The following EPHA7 variants were observed in gnomAD, a reference collection of about 807,000 sequenced individuals.
The protein encoded by EPHA7 is EPH receptor A7.
EPHA7 carries 25 observed loss-of-function variants against 112.6 expected under a neutral mutation model. That is an observed-to-expected ratio of 0.22 (90% CI 0.16 to 0.31). EPHA7 has a LOEUF of 0.31. Ranked by LOEUF, EPHA7 falls within the 10% of genes least tolerant of loss-of-function variation. The pLI is 1.00. For synonymous variants in EPHA7, 437 were observed against 406.5 expected, an observed-to-expected ratio of 1.07 and a Z score of -0.90; for missense variants, 962 against 1,212.6, an observed-to-expected ratio of 0.79 and a Z score of 3.07.
chr6:93,332,304 T>G, intron 5 of EPHA7, among the ~76,000 whole-genome samples: 1 of 151,686 alleles, frequency 6.6e-6, no homozygotes, highest in African/African-American at 2.4e-5. Flanking sequence ...ATAAAAATGT[T>G]AATAAAATAA....
intron 5 of EPHA7, among the ~76,000 whole-genome samples, chr6:93,336,807 C>T (rs1381855399): frequency 6.6e-6 from 1 of 151,816 alleles, no homozygotes; most frequent in Non-Finnish European, 1.5e-5. Flanking sequence ...TGAATGGCAT[C>T]CTTCTTCCAA....
At chr6:93,371,169 G>GA (rs1443036182) in intron 3 of EPHA7, among the ~76,000 whole-genome samples, 112 of 124,996 alleles carry the variant, frequency 9.0e-4, no homozygotes, top group African/African-American at 1.5e-3. Context: ...GTCTCAAAAA[G>GA]AAAAAAAAAA....
Position 93,257,515 on chromosome 6 carries a change from C to G in EPHA7, c.2119G>C (p.Val707Leu). The G allele has an allele frequency of 1.2e-6, 2 of 1,608,776 alleles. No individual in the cohort carries two copies. Among genetic ancestry groups the G allele is most frequent in the Non-Finnish European group, 1.7e-6 (2 of 1,177,674 alleles). The change falls in exon 12 of 17, where the codon GTC becomes CTC. Residue 707 changes from valine (V) to leucine (L), a missense_variant. Transcript: ENST00000369303. The part of the protein sequence containing the change: ...LEGVVTRGKP[V>L]MIVIEFMENG... ...TCCATGAACTCTATTACTATCATGA[C>G]TGGTTTCCCTAAAATTAAAAAAAAA...
chr6:93,419,271 G>T lies in EPHA7; in HGVS notation c.71C>A (p.Thr24Lys), dbSNP rs200143358. 62 of 1,613,840 alleles carry T rather than the reference G, an allele frequency of 3.8e-5. No homozygotes were observed. In the Middle Eastern group the frequency reaches 4.9e-4, roughly 13 times the overall value. The change falls in exon 1 of 17, where the codon ACA (threonine) becomes AAA (lysine). Residue 24 changes from threonine to lysine, a missense_variant. By Grantham distance (78) the Thr-to-Lys change is moderately conservative. Coordinates refer to ENST00000369303, the MANE Select transcript of EPHA7 (RefSeq NM_004440.4). ...TTCCTTCGCAGCCTGCGCCTCCCCT[G>T]TGTGTGCAAAGCGGAGCAGCCAGAT... ...CYIWLLRFAHTGEAQAAKEVL... is the reference protein window; with the variant it reads ...CYIWLLRFAHKGEAQAAKEVL...
At chr6:93,292,596 C>T (rs1261424430) in intron 5 of EPHA7, among the ~76,000 whole-genome samples, 1 of 152,036 alleles carries the variant, frequency 6.6e-6, no homozygotes, top group African/African-American at 2.4e-5. Flanking sequence ...CTATTAATAT[C>T]TATTGCTTTA....
At chr6:93,327,582 G>A (rs1472651866) in intron 5 of EPHA7, among the ~76,000 whole-genome samples, 1 of 151,404 alleles carries the variant, frequency 6.6e-6, no homozygotes, top group African/African-American at 2.4e-5. Flanking sequence ...TCTGTCTAGA[G>A]TTACTAGTTA....
rs553627016 is a variant in EPHA7, at chr6:93,355,470, C to T, written c.1324+1247G>A. ...CAGGAATTTGGGATAACACTGGTTG[C>T]TTTTAGACAGCCAGCCAAAGACCAA... On this transcript the variant is annotated intron_variant, in intron 5 of 16. Transcript: ENST00000369303. 2.6e-5 allele frequency among the ~76,000 whole-genome samples: 4 copies of T among 152,262 alleles called. 1 individual carries two copies. Among genetic ancestry groups the T allele is most frequent in the African/African-American group, 9.6e-5 (4 of 41,556 alleles).
chr6:93,282,564 C>T (rs1254060258), intron 5 of EPHA7, among the ~76,000 whole-genome samples: 2 of 152,360 alleles, frequency 1.3e-5, no homozygotes, highest in Admixed American at 1.3e-4. Context: ...AGGAGCCCTT[C>T]GACCTGCGGC....
chr6:93,349,403 T>C (rs908020715), intron 5 of EPHA7, among the ~76,000 whole-genome samples: 1 of 151,874 alleles, frequency 6.6e-6, no homozygotes, highest in African/African-American at 2.4e-5. Context: ...TTCGGATACC[T>C]CAGGTTTATA....
intron 3 of EPHA7, among the ~76,000 whole-genome samples, chr6:93,379,419 ATAACT>A (rs1352883871): frequency 1.3e-5 from 2 of 152,082 alleles, no homozygotes; most frequent in African/African-American, 2.4e-5. Context: ...TCACAGTTTA[ATAACT>A]TAACTTTAGA....
intron 5 of EPHA7, among the ~76,000 whole-genome samples, chr6:93,322,650 G>A (rs942558184): frequency 1.3e-5 from 2 of 151,630 alleles, no homozygotes; most frequent in Non-Finnish European, 3.0e-5. Context: ...GACTGAATTA[G>A]AGAGGCATAC....
intron 7 of EPHA7, among the ~76,000 whole-genome samples, chr6:93,266,083 T>TA (rs998552971): frequency 2.0e-5 from 3 of 151,614 alleles, no homozygotes; most frequent in African/African-American, 7.3e-5. Context: ...TTAAAAAGGT[T>TA]AAAAAAACAG....
At chr6:93,290,730 A>G (rs538784760) in intron 5 of EPHA7, among the ~76,000 whole-genome samples, 2 of 152,336 alleles carry the variant, frequency 1.3e-5, no homozygotes, top group Non-Finnish European at 2.9e-5. Context: ...TGAGATGTGA[A>G]GCAACACAGG....
chr6:93,302,847 A>G (rs1773059061), intron 5 of EPHA7, among the ~76,000 whole-genome samples: 1 of 152,040 alleles, frequency 6.6e-6, no homozygotes. Context: ...GCCGATGGAA[A>G]CCACACTTAA....
intron 3 of EPHA7, among the ~76,000 whole-genome samples, chr6:93,360,295 C>T (rs551336680): frequency 1.5e-3 from 219 of 147,862 alleles, no homozygotes; most frequent in Non-Finnish European, 2.4e-3. Context: ...TTCATTGTAT[C>T]TTGCTTTATG....
At position 93,419,223 on chromosome 6, in the gene EPHA7, C is replaced by G. The variant is rs540931282; in HGVS notation, c.97+22G>C. The G allele has an allele frequency of 1.5e-4, 240 of 1,599,290 alleles. 1 individual carries two copies. The highest frequency in any genetic ancestry group is 5.7e-4 in the South Asian group (52 of 90,586). On this transcript the variant is annotated intron_variant, in intron 1 of 16. Transcript: ENST00000369303. ...ATCTAAATAAATAAGTCAGAACAAA[C>G]TTTGCTTTCCCATCACCTTACCTTC...
In EPHA7 at chr6:93,301,264, G is replaced by A. The variant is rs544870783; in HGVS notation, c.1325-28842C>T. Among the ~76,000 whole-genome samples the A allele has an allele frequency of 7.3e-5, 11 of 151,702 alleles. No homozygotes were observed. The South Asian group carries it at 2.3e-3, about 32-fold the overall frequency. ...TATCTCATATTTGTACATATTTTGA[G>A]GGTACATGTAATACTTTGATACAAG... On this transcript the variant is annotated intron_variant, in intron 5 of 16. Transcript: ENST00000369303.
intron 3 of EPHA7, among the ~76,000 whole-genome samples, chr6:93,401,677 T>C (rs1410875420): frequency 1.3e-5 from 2 of 152,034 alleles, no homozygotes; most frequent in Non-Finnish European, 2.9e-5. Context: ...AATGAAGACA[T>C]GCATCCATAA....
intron 5 of EPHA7, among the ~76,000 whole-genome samples, chr6:93,297,437 T>C (rs922727923): frequency 9.9e-5 from 15 of 152,166 alleles, no homozygotes; most frequent in African/African-American, 2.9e-4. Flanking sequence ...TTTTGGTCAA[T>C]ATAGTCATAA....
Sources: allele counts gnomAD v4.1 joint callset (sites outside exome capture counted in the v4.1 genomes callset), GRCh38; gene constraint gnomAD v4.1.1; transcripts MANE v1.5; gene names NCBI Gene and HGNC (gene_info 2026-07-23, HGNC 2026-07-21).